The following DYSF variants were observed in gnomAD, a reference collection of about 807,000 sequenced individuals.
DYSF encodes dysferlin.
A neutral mutation model predicts 274.9 loss-of-function variants in DYSF; 212 were observed. That is an observed-to-expected ratio of 0.77 (90% confidence interval 0.69 to 0.86). The LOEUF is 0.86. DYSF is among the 40% of genes least tolerant of loss of function. The probability of loss-of-function intolerance (pLI) is 0.00; values close to 1 mark genes in which losing one functional copy is unlikely to be tolerated. For synonymous variants in DYSF, 1,091 were observed against 1,078.7 expected (o/e 1.01, Z -0.22); for missense variants, 2,666 against 2,783.2 (o/e 0.96, Z 0.95).
intron 8 of DYSF, among the ~76,000 whole-genome samples, 191 bp from the exon 9 acceptor site, chr2:71,515,989 A>C (rs537619552): frequency 6.6e-6 from 1 of 152,298 alleles, no homozygotes; most frequent in Admixed American, 6.5e-5. Context: ...CCCAACCCTG[A>C]AATGACCACG....
At chr2:71,490,932 A>T (rs2152696174) in intron 3 of DYSF, among the ~76,000 whole-genome samples, 1 of 152,216 alleles carries the variant, frequency 6.6e-6, no homozygotes, top group African/African-American at 2.4e-5. Flanking sequence ...AAATATTTTT[A>T]TGTTCTTATG....
chr2:71,558,369 G>A (rs1359634763), intron 22 of DYSF, among the ~76,000 whole-genome samples: 1 of 152,100 alleles, frequency 6.6e-6, no homozygotes, highest in South Asian at 2.1e-4. Flanking sequence ...TGGGAGGACA[G>A]AGTGGGGTTG....
At chr2:71,669,064 A>G in intron 49 of DYSF, 48 bp from the exon 50 acceptor site, 2 of 1,518,326 alleles carry the variant, frequency 1.3e-6, no homozygotes, top group Non-Finnish European at 1.8e-6. Context: ...AGGCCTTCCC[A>G]TCCTTTGGTA....
chr2:71,679,313 C>A, intron 53 of DYSF, 78 bp downstream of exon 53: 1 of 1,389,070 alleles, frequency 7.2e-7, no homozygotes, highest in Non-Finnish European at 1.0e-6. Flanking sequence ...AATACGTCAT[C>A]AGAAAATACA....
At chr2:71,481,239 A>C (rs1324854783) in intron 2 of DYSF, among the ~76,000 whole-genome samples, 1 of 152,220 alleles carries the variant, frequency 6.6e-6, no homozygotes, top group South Asian at 2.1e-4. Flanking sequence ...TCTCTCACAC[A>C]GGCTGTTCCT....
chr2:71,609,662 C>A (rs1001593273), intron 36 of DYSF, among the ~76,000 whole-genome samples: 1 of 152,214 alleles, frequency 6.6e-6, no homozygotes, highest in South Asian at 2.1e-4. Flanking sequence ...GAGGAGGTGG[C>A]AGAGCTGGAA....
chr2:71,521,787 G>A lies in DYSF; in HGVS notation c.1149+883G>A, dbSNP rs143233376. Among the ~76,000 whole-genome samples, 6 of 152,162 alleles carry A rather than the reference G, an allele frequency of 3.9e-5. No individual in the cohort carries two copies. In the East Asian group the frequency reaches 7.7e-4, roughly 20 times the overall value. On this transcript the variant is annotated intron_variant, in intron 12 of 55. Transcript: ENST00000410020. ...CTTAGCTGGGCCCCGGGTGCTGTCC[G>A]CCTCTTCCTTTACCTGGGTATAGTT...
chr2:71,460,547 T>C (rs2152631108), intron 1 of DYSF, among the ~76,000 whole-genome samples: 1 of 152,248 alleles, frequency 6.6e-6, no homozygotes, highest in Non-Finnish European at 1.5e-5. Flanking sequence ...CCTGATAATG[T>C]CCCCTCGGGA....
intron 14 of DYSF, among the ~76,000 whole-genome samples, chr2:71,530,264 A>G (rs2088524738): frequency 1.3e-5 from 2 of 152,232 alleles, no homozygotes; most frequent in African/African-American, 4.8e-5. Flanking sequence ...TCCACTTGAC[A>G]CTTGGGGGAA....
intron 41 of DYSF, among the ~76,000 whole-genome samples, chr2:71,629,962 C>T (rs774456093): frequency 2.0e-5 from 3 of 152,202 alleles, no homozygotes; most frequent in Non-Finnish European, 4.4e-5. Flanking sequence ...CCTATGAATA[C>T]ACATGAGCCA....
At chr2:71,463,552 C>T (rs572652859), upstream of DYSF, among the ~76,000 whole-genome samples, 58 of 152,362 alleles carry the variant, frequency 3.8e-4, no homozygotes, top group African/African-American at 1.4e-3. Context: ...CTGCAGCCCA[C>T]GTCTTGGCAG....
chr2:71,520,082 A>C, intron 10 of DYSF, 96 bp from the exon 11 acceptor site: 1 of 1,475,780 alleles, frequency 6.8e-7, no homozygotes, highest in South Asian at 1.1e-5. Flanking sequence ...ATGTTCTTCA[A>C]AAACATGGTT....
chr2:71,582,825 C>T (rs1276034912), intron 30 of DYSF, among the ~76,000 whole-genome samples: 1 of 151,984 alleles, frequency 6.6e-6, no homozygotes, highest in African/African-American at 2.4e-5. Context: ...ATATTTCCAT[C>T]ACAGATACAT....
rs576460368 is a variant in DYSF at position 71,589,667 on chromosome 2, G to A, written c.3477G>A (p.Thr1159=). 11 of 1,614,128 alleles carry A rather than the reference G, an allele frequency of 6.8e-6. No individual in the cohort carries two copies. Among genetic ancestry groups the A allele is most frequent in the Middle Eastern group, 1.6e-4 (1 of 6,062 alleles). The change falls in exon 31 of 56, where the codon ACG becomes ACA. Residue 1159 remains threonine (T), a synonymous_variant. Coordinates refer to ENST00000410020, the MANE Select transcript of DYSF (RefSeq NM_001130987.2). ...STLSFGVNRP[T]ISCIFDYGNR... is the part of the protein sequence containing the mutation. ...TGAGCTTCGGTGTGAACAGACCCAC[G>A]ATTTCCTGCATATTCGACTGTAAGT...
chr2:71,518,467 A>C (rs2086893279), intron 10 of DYSF, among the ~76,000 whole-genome samples: 1 of 147,188 alleles, frequency 6.8e-6, no homozygotes, highest in Admixed American at 6.8e-5. Context: ...GGGTTTCACC[A>C]TCTTGGTCAG....
In DYSF at chr2:71,679,126, A is replaced by G. The variant is rs2095263651; in HGVS notation, c.5954A>G (p.Gln1985Arg). Residue 1985 changes from glutamine (Q) to arginine (R), a missense_variant, in exon 53 of 56, where the codon CAG becomes CGG. Physicochemically the swap from Gln to Arg is conservative, Grantham distance 43. Transcript: ENST00000410020. ...ACAGCCAAGAAGTGCTCCTTGGACC[A>G]GCTGGATGATGCTTTCCACCCAGAA... ...AKTAKKCSLD[Q>R]LDDAFHPEWF... 2 of 1,613,872 alleles carry G rather than the reference A, an allele frequency of 1.2e-6. No individual in the cohort carries two copies. The highest frequency in any genetic ancestry group is 1.1e-5 in the South Asian group (1 of 91,078).
At chr2:71,532,594 A>G (rs2088855214) in intron 14 of DYSF, among the ~76,000 whole-genome samples, 1 of 152,088 alleles carries the variant, frequency 6.6e-6, no homozygotes, top group Admixed American at 6.5e-5. Context: ...AAGCCCCCAG[A>G]CCCACATCCT....
Position 71,601,506 on chromosome 2 carries a change from T to C in DYSF, c.3905T>C (p.Ile1302Thr), listed in dbSNP as rs766008797. The change falls in exon 35 of 56, where the codon ATC becomes ACC. Residue 1302 changes from isoleucine to threonine, a missense_variant. Physicochemically the swap from Ile to Thr is moderately conservative, Grantham distance 89 (BLOSUM62 -1). Around this residue, in one of 3 missense-constraint regions of DYSF, gnomAD observed 1,460 missense variants for 1,502.1 expected, o/e 0.97. Transcript: ENST00000410020. ...FELIQREKPA[I>T]HHIPGFEVQE... Reference sequence around the variant, plus strand: ...CTCTTTTCTTCACTCCAGCCGGCCATCCACCATATTCCTGGTTTTGAGGTA... The same window carrying C: ...CTCTTTTCTTCACTCCAGCCGGCCACCCACCATATTCCTGGTTTTGAGGTA... The C allele has an allele frequency of 2.5e-6, 4 of 1,614,182 alleles. No individual in the cohort carries two copies. The highest frequency in any genetic ancestry group is 3.4e-6 in the Non-Finnish European group (4 of 1,180,020).
At chr2:71,507,790 G>A (rs568588820) in intron 4 of DYSF, among the ~76,000 whole-genome samples, 4 of 152,186 alleles carry the variant, frequency 2.6e-5, no homozygotes, top group East Asian at 1.9e-4. Context: ...GGAGCCCTGC[G>A]CTCACAAGGG....
Sources: allele counts gnomAD v4.1 joint callset (sites outside exome capture counted in the v4.1 genomes callset), GRCh38; gene constraint gnomAD v4.1.1; regional missense constraint gnomAD v4.1.1; transcripts MANE v1.5; gene names NCBI Gene and HGNC (gene_info 2026-07-23, HGNC 2026-07-21).